Variants in KAT14 observed in about 807,000 individuals in gnomAD.
KAT14 encodes cysteine-rich protein 2-binding protein.
In KAT14, 66 loss-of-function variants were observed where a neutral mutation model predicts 78.4. The observed-to-expected ratio is 0.84, with a 90% CI of 0.69 to 1.03. The LOEUF is 1.03. Ranked by LOEUF, KAT14 falls within the 50% of genes least tolerant of loss-of-function variation. The pLI is 0.00. For synonymous variants in KAT14, 344 were observed against 359.4 expected, an observed-to-expected ratio of 0.96 and a Z score of 0.48; for missense variants, 870 against 972.5, an observed-to-expected ratio of 0.89 and a Z score of 1.40.
At chr20:18,180,010 A>G (rs1224081794) in intron 7 of KAT14, among the ~76,000 whole-genome samples, 2 of 152,034 alleles carry the variant, frequency 1.3e-5, no homozygotes, top group Non-Finnish European at 2.9e-5. Context: ...CTGGGATTAC[A>G]GGTGTGTGCC....
chr20:18,183,319 C>A, intron 9 of KAT14, 21 bp downstream of exon 9: 1 of 1,605,920 alleles, frequency 6.2e-7, no homozygotes, highest in Non-Finnish European at 8.5e-7. Flanking sequence ...CCTCCCAAAC[C>A]AGGCAGGTCA....
At chr20:18,182,878 C>T (rs2039311911) in intron 8 of KAT14, among the ~76,000 whole-genome samples, 1 of 152,184 alleles carries the variant, frequency 6.6e-6, no homozygotes, top group Non-Finnish European at 1.5e-5. Flanking sequence ...TGTTTCCTCA[C>T]TGTTCATGAA....
At chr20:18,183,620 C>A in intron 9 of KAT14, 1 of 798,276 alleles carries the variant, frequency 1.3e-6, no homozygotes, top group Non-Finnish European at 1.5e-6. Context: ...GTAGCTTGGG[C>A]GTGTTTGGAC....
intron 7 of KAT14, among the ~76,000 whole-genome samples, chr20:18,167,429 AC>A (rs570865049): frequency 5.9e-5 from 9 of 152,340 alleles, no homozygotes; most frequent in Middle Eastern, 3.4e-3. Flanking sequence ...CCCAGTCTTA[AC>A]TTGGAATTTT....
chr20:18,168,065 A>G lies in KAT14; in HGVS notation c.1668+5120A>G, dbSNP rs6045226. Among the ~76,000 whole-genome samples the G allele has an allele frequency of 6.8e-3, 1,032 of 152,260 alleles. 7 individuals carry two copies. Among genetic ancestry groups the G allele is most frequent in the African/African-American group, 0.023 (964 of 41,526 alleles). On this transcript the variant is annotated intron_variant, in intron 7 of 10. Transcript: ENST00000688188. ...TAAAAATATGGGCTTTTTGAGGTTAATTTTGAAAACTTATACGACTAAGAA... is the reference window on the plus strand; with the variant it reads ...TAAAAATATGGGCTTTTTGAGGTTAGTTTTGAAAACTTATACGACTAAGAA...
At chr20:18,171,693 T>A (rs1453958584) in intron 7 of KAT14, among the ~76,000 whole-genome samples, 1 of 152,122 alleles carries the variant, frequency 6.6e-6, no homozygotes, top group African/African-American at 2.4e-5. Context: ...ACACCTGTAG[T>A]CCCAGCTACT....
At chr20:18,176,844 G>A (rs1427299994) in intron 7 of KAT14, among the ~76,000 whole-genome samples, 1 of 152,186 alleles carries the variant, frequency 6.6e-6, no homozygotes, top group Non-Finnish European at 1.5e-5. Context: ...GTTTTTAGAA[G>A]ACTCTGGCTT....
At chr20:18,139,917 T>C (rs531244672) in intron 1 of KAT14, among the ~76,000 whole-genome samples, 3 of 152,242 alleles carry the variant, frequency 2.0e-5, no homozygotes, top group South Asian at 2.1e-4. Flanking sequence ...CAGTGCTACA[T>C]GAGGAGCCAG....
Position 18,187,532 on chromosome 20 carries a change from T to C in KAT14, c.*73T>C, listed in dbSNP as rs908600950. The stretch of plus-strand genomic sequence containing the variant: ...CTTTGTGGAGATCTAAAGGCAGTGA[T>C]TGATTTCACAGGGAGCTCTAATCTC... On this transcript the variant is annotated 3_prime_UTR_variant, in exon 11 of 11. Transcript: ENST00000688188. 1.0e-5 allele frequency: 16 copies of C among 1,592,818 alleles called. No individual in the cohort carries two copies. In the African/African-American group the frequency reaches 1.1e-4, roughly 11 times the overall value.
intron 2 of KAT14, among the ~76,000 whole-genome samples, chr20:18,144,653 A>G (rs991738415): frequency 2.0e-5 from 3 of 152,210 alleles, no homozygotes; most frequent in Non-Finnish European, 4.4e-5. Flanking sequence ...CTGAGGGACT[A>G]AGAAATGTAA....
intron 7 of KAT14, among the ~76,000 whole-genome samples, chr20:18,167,803 A>C (rs2038695712): frequency 6.6e-6 from 1 of 152,150 alleles, no homozygotes. Context: ...AAAGTTATAC[A>C]TTCTATTTTT....
intron 7 of KAT14, among the ~76,000 whole-genome samples, chr20:18,164,392 G>T (rs1220681580): frequency 1.3e-5 from 2 of 151,950 alleles, no homozygotes; most frequent in Non-Finnish European, 2.9e-5. Flanking sequence ...TACTATAGGG[G>T]TATAATTGGA....
In KAT14 at chr20:18,139,633, C is replaced by CGTGTGTGTGTGTGTGTGTGTGT. The variant is rs71194228; in HGVS notation, c.-454+1603_-454+1624dup. Among the ~76,000 whole-genome samples, 8 of 141,722 alleles carry CGTGTGTGTGTGTGTGTGTGTGT rather than the reference C, an allele frequency of 5.6e-5. No individual in the cohort carries two copies. In the East Asian group the frequency reaches 1.0e-3, roughly 18 times the overall value. The allele number at this position is 141,722 out of a possible 152,430, so 93.0% of individuals were successfully genotyped here. Reference sequence around the variant, plus strand: ...AGTTAGAGCTGAAGAACCAAAATAACGTGTGTGTGTGTGTGTGTGTGTGTG... The same window carrying CGTGTGTGTGTGTGTGTGTGTGT: ...AGTTAGAGCTGAAGAACCAAAATAACGTGTGTGTGTGTGTGTGTGTGTGTGTGTGTGTGTGTGTGTGTGTGTG... On this transcript the variant is annotated intron_variant, in intron 1 of 10. Transcript: ENST00000688188.
intron 4 of KAT14, among the ~76,000 whole-genome samples, chr20:18,157,931 T>A (rs918613197): frequency 2.0e-5 from 3 of 152,172 alleles, no homozygotes; most frequent in African/African-American, 7.2e-5. Flanking sequence ...TTTCATTCTC[T>A]CCATCTCAGA....
chr20:18,162,310 C>T (rs1299645595), intron 6 of KAT14, 67 bp from the exon 7 acceptor site: 63 of 1,605,070 alleles, frequency 3.9e-5, no homozygotes, highest in Non-Finnish European at 4.7e-5. Context: ...GTTTTCACCC[C>T]GTGGGCTGTG....
In KAT14 at chr20:18,173,498, G is replaced by A. The variant is rs142554753; in HGVS notation, c.1669-8212G>A. Among the ~76,000 whole-genome samples the A allele has an allele frequency of 4.7e-4, 71 of 152,242 alleles. No individual in the cohort carries two copies. In the East Asian group the frequency reaches 0.013, roughly 27 times the overall value. On this transcript the variant is annotated intron_variant, in intron 7 of 10. Transcript: ENST00000688188. ...TTCTAAGCTTCTTGCCTGCCAGAGT[G>A]GAAATCAGAAGTCCTTGGATATGCT...
intron 4 of KAT14, among the ~76,000 whole-genome samples, chr20:18,153,801 T>C (rs2038132854): frequency 6.6e-6 from 1 of 152,190 alleles, no homozygotes; most frequent in South Asian, 2.1e-4. Flanking sequence ...ACATTAATTT[T>C]AAAAAGAAAC....
intron 1 of KAT14, chr20:18,138,392 C>T (rs1240502284): frequency 9.6e-7 from 1 of 1,043,660 alleles, no homozygotes; most frequent in Non-Finnish European, 1.2e-6. Context: ...TCACAGCCGG[C>T]CCGCAGGGTG....
At chr20:18,168,216 C>T (rs1452112251) in intron 7 of KAT14, among the ~76,000 whole-genome samples, 1 of 152,108 alleles carries the variant, frequency 6.6e-6, no homozygotes, top group Non-Finnish European at 1.5e-5. Context: ...CTCCTGAGAA[C>T]CCCGGTACTG....
Sources: allele counts gnomAD v4.1 joint callset (sites outside exome capture counted in the v4.1 genomes callset), GRCh38; gene constraint gnomAD v4.1.1; transcripts MANE v1.5; gene names NCBI Gene and HGNC (gene_info 2026-07-23, HGNC 2026-07-21).